RGSL1: variants seen among roughly 807,000 people sequenced by gnomAD.
The protein encoded by RGSL1 is regulator of G protein signaling protein-like.
In RGSL1, 97 loss-of-function variants were observed where a neutral mutation model predicts 124.7. That is an observed-to-expected ratio of 0.78 (90% CI 0.66 to 0.92). The LOEUF (loss-of-function observed/expected upper bound fraction) is 0.92. RGSL1 is among the 40% of genes least tolerant of loss of function. The probability of loss-of-function intolerance (pLI) is 0.00; values close to 1 mark genes in which losing one functional copy is unlikely to be tolerated. For synonymous variants in RGSL1, 424 were observed against 438.1 expected, an observed-to-expected ratio of 0.97 and a Z score of 0.40; for missense variants, 1,233 against 1,288.4, an observed-to-expected ratio of 0.96 and a Z score of 0.66.
chr1:182,469,005 T>G (rs1653587787), intron 4 of RGSL1, among the ~76,000 whole-genome samples: 1 of 152,062 alleles, frequency 6.6e-6, no homozygotes, highest in South Asian at 2.1e-4. Context: ...CATAACACCC[T>G]ATATGAAAAT....
chr1:182,458,255 G>T, intron 2 of RGSL1, 64 bp from the exon 3 acceptor site: 1 of 1,200,692 alleles, frequency 8.3e-7, no homozygotes, highest in Non-Finnish European at 1.2e-6. Flanking sequence ...GCTGTAGAGG[G>T]ACTGTGTCAT....
chr1:182,488,088 G>A (rs749297682), intron 6 of RGSL1, among the ~76,000 whole-genome samples, 197 bp from the exon 7 acceptor site: 3 of 152,218 alleles, frequency 2.0e-5, no homozygotes, highest in Non-Finnish European at 4.4e-5. Flanking sequence ...CTTAGAGAGA[G>A]GCTGTGTTAG....
Position 182,459,997 on chromosome 1 carries a change from ACT to A in RGSL1, c.172-4_172-3del. On this transcript the variant is annotated splice_region_variant and splice_polypyrimidine_tract_variant and intron_variant, in intron 3 of 21. Coordinates refer to ENST00000294854, the MANE Select transcript of RGSL1 (RefSeq NM_001137669.2). The stretch of plus-strand genomic sequence containing the variant: ...GCATTTTTGTTTCTATTTTGCTTTG[ACT>A]CTAGATTGCCAAATACAAAGGGTTA... 3 of 1,548,992 alleles carry A rather than the reference ACT, an allele frequency of 1.9e-6. No individual in the cohort carries two copies. The highest frequency in any genetic ancestry group is 1.7e-4 in the Middle Eastern group (1 of 5,878).
At chr1:182,544,953 T>C (rs912046820) in intron 15 of RGSL1, among the ~76,000 whole-genome samples, 9 of 152,098 alleles carry the variant, frequency 5.9e-5, no homozygotes, top group Non-Finnish European at 8.8e-5. Flanking sequence ...TCAGCCACTA[T>C]ATGTCTTTTA....
chr1:182,558,893 T>C (rs1031523038), intron 21 of RGSL1, among the ~76,000 whole-genome samples: 1 of 152,174 alleles, frequency 6.6e-6, no homozygotes, highest in African/African-American at 2.4e-5. Flanking sequence ...GGTCACACAT[T>C]CACAGATTCT....
At chr1:182,454,354 C>T (rs1307511787) in intron 2 of RGSL1, among the ~76,000 whole-genome samples, 2 of 152,194 alleles carry the variant, frequency 1.3e-5, no homozygotes, top group Non-Finnish European at 1.5e-5. Context: ...GGTCTACCCT[C>T]ACTGGGTACC....
chr1:182,544,171 A>G (rs1660066363), intron 15 of RGSL1, among the ~76,000 whole-genome samples: 1 of 152,010 alleles, frequency 6.6e-6, no homozygotes, highest in Non-Finnish European at 1.5e-5. Flanking sequence ...CTTTTGTTGT[A>G]TCCCATAGAT....
intron 2 of RGSL1, 48 bp from the exon 3 acceptor site, chr1:182,458,271 T>C: frequency 7.1e-7 from 1 of 1,407,312 alleles, no homozygotes; most frequent in Non-Finnish European, 9.8e-7. Flanking sequence ...GTCATATACA[T>C]GAAGAGAAGC....
rs187679922 is a variant in RGSL1 at position 182,525,512 on chromosome 1, G to C, written c.1932-2067G>C. 7.4e-3 allele frequency among the ~76,000 whole-genome samples: 1,132 copies of C among 152,150 alleles called. 15 individuals are homozygous for C. Among genetic ancestry groups the C allele is most frequent in the Middle Eastern group, 0.031 (9 of 294 alleles). ...CATAACTGAAATGAAAAATTTACTA[G>C]AGGCAATCAATAACAGATTTAAGTT... is the stretch of plus-strand genomic sequence containing the variant. On this transcript the variant is annotated intron_variant, in intron 10 of 21. Coordinates refer to ENST00000294854, the MANE Select transcript of RGSL1 (RefSeq NM_001137669.2).
Position 182,473,764 on chromosome 1 carries a change from G to A in RGSL1, c.653G>A (p.Arg218His), listed in dbSNP as rs187330891. The A allele has an allele frequency of 1.1e-5, 17 of 1,551,648 alleles. No homozygotes were observed. Among genetic ancestry groups the A allele is most frequent in the Admixed American group, 2.0e-5 (1 of 50,992 alleles). The change falls in exon 6 of 22, where the codon CGC (arginine) becomes CAC (histidine). Residue 218 changes from arginine to histidine, a missense_variant. By Grantham distance (29) the Arg-to-His change is conservative. Coordinates refer to ENST00000294854, the MANE Select transcript of RGSL1 (RefSeq NM_001137669.2). ...GGTCTGATGCAAGAGTACGAGACTC[G>A]CTTATACAGCGTTTGCTACACCCAC... Reference protein sequence around the residue: ...CHGLMQEYETRLYSVCYTHIG... With the variant: ...CHGLMQEYETHLYSVCYTHIG...
At chr1:182,477,726 T>A (rs1447478414) in intron 6 of RGSL1, among the ~76,000 whole-genome samples, 1 of 152,066 alleles carries the variant, frequency 6.6e-6, no homozygotes, top group East Asian at 1.9e-4. Flanking sequence ...CACCCACCCA[T>A]AGACATAATG....
intron 10 of RGSL1, among the ~76,000 whole-genome samples, chr1:182,526,255 A>T (rs1292210691): frequency 6.6e-6 from 1 of 152,228 alleles, no homozygotes; most frequent in Non-Finnish European, 1.5e-5. Context: ...TATTTTCCTG[A>T]TCCCAAAGCC....
At chr1:182,532,561 G>A in intron 13 of RGSL1, 101 bp from the exon 14 acceptor site, 1 of 1,120,762 alleles carries the variant, frequency 8.9e-7, no homozygotes, top group Non-Finnish European at 1.3e-6. Flanking sequence ...GAGGTGTTGT[G>A]AGGATTAAAT....
At chr1:182,500,762 G>A (rs1031654451) in intron 9 of RGSL1, among the ~76,000 whole-genome samples, 7 of 152,000 alleles carry the variant, frequency 4.6e-5, no homozygotes, top group Non-Finnish European at 8.8e-5. Context: ...ATTGTAAGTG[G>A]AACTATTTTT....
rs780291172 is a variant in RGSL1 at position 182,472,418 on chromosome 1, G to A, written c.324G>A (p.Trp108Ter). Residue 108 changes from tryptophan (W) to a stop codon, truncating the protein, a stop_gained, in exon 5 of 22, where the codon TGG becomes TGA. Transcript: ENST00000294854. LOFTEE classifies it high-confidence loss of function. Reference protein sequence around the residue: ...PEGGEELVDFWILAENILSID... With the variant: ...PEGGEELVDF ...TAGGTGAAGAATTGGTGGATTTCTGGATCCTTGCTGAGAACATCCTGAGCA... is the reference window on the plus strand; with the variant it reads ...TAGGTGAAGAATTGGTGGATTTCTGAATCCTTGCTGAGAACATCCTGAGCA... 1 of 1,549,920 alleles carries A rather than the reference G, an allele frequency of 6.5e-7. No individual in the cohort carries two copies.
intron 2 of RGSL1, among the ~76,000 whole-genome samples, chr1:182,454,945 C>T (rs1027887514): frequency 6.6e-6 from 1 of 152,104 alleles, no homozygotes; most frequent in Non-Finnish European, 1.5e-5. Context: ...AAATTTCAGT[C>T]AAGTGGGAGA....
At chr1:182,448,750 G>T (rs541735706), upstream of RGSL1, among the ~76,000 whole-genome samples, 1 of 152,206 alleles carries the variant, frequency 6.6e-6, no homozygotes, top group South Asian at 2.1e-4. Context: ...AAAGGGTCAG[G>T]GATCTAACCA....
chr1:182,537,275 C>A (rs937274000), intron 14 of RGSL1, among the ~76,000 whole-genome samples: 1 of 151,680 alleles, frequency 6.6e-6, no homozygotes, highest in African/African-American at 2.4e-5. Context: ...TTCAGTGTCC[C>A]CAAGGAAAAA....
intron 2 of RGSL1, among the ~76,000 whole-genome samples, chr1:182,456,058 T>C (rs1652294134): frequency 6.6e-6 from 1 of 151,906 alleles, no homozygotes. Flanking sequence ...ATGGGATAAG[T>C]AGAGGAGATT....
Sources: allele counts gnomAD v4.1 joint callset (sites outside exome capture counted in the v4.1 genomes callset), GRCh38; gene constraint gnomAD v4.1.1; transcripts MANE v1.5; gene names NCBI Gene and HGNC (gene_info 2026-07-23, HGNC 2026-07-21).